VRK3: variants seen among roughly 807,000 people sequenced by gnomAD.
VRK3 encodes serine/threonine-protein kinase VRK3.
In VRK3, 50 loss-of-function variants were observed where a neutral mutation model predicts 60.4. The ratio of observed to expected loss-of-function variants is 0.83; its 90% CI spans 0.66 to 1.05. The LOEUF is 1.05. VRK3 is among the 50% of genes least tolerant of loss of function. The pLI is 0.00. For missense variants in VRK3, 549 were observed against 585.3 expected (o/e 0.94, Z 0.64); for synonymous variants, 246 against 227.8 (o/e 1.08, Z -0.72).
chr19:50,019,402 G>A (rs1315252588), intron 2 of VRK3: 1 of 149,836 alleles, frequency 6.7e-6, no homozygotes, highest in Non-Finnish European at 1.5e-5. Flanking sequence ...ACTGTATAGA[G>A]GCTGGTGCCT....
chr19:49,977,082 G>A (rs2076343032), intron 14 of VRK3, among the ~76,000 whole-genome samples: 1 of 152,148 alleles, frequency 6.6e-6, no homozygotes, highest in Non-Finnish European at 1.5e-5. Flanking sequence ...TGGAGGATGG[G>A]GAAGGCCTCG....
At chr19:49,981,769 C>T (rs2076426259) in intron 12 of VRK3, 5 of 1,032,922 alleles carry the variant, frequency 4.8e-6, no homozygotes, top group Non-Finnish European at 5.8e-6. Flanking sequence ...GGTGACCTCC[C>T]CACCCGTCCC....
intron 9 of VRK3, among the ~76,000 whole-genome samples, chr19:49,994,152 G>A (rs1031844354): frequency 6.6e-6 from 1 of 152,120 alleles, no homozygotes. Flanking sequence ...CCCTTGGTAC[G>A]TCCATCCCTC....
At chr19:50,018,847 C>T (rs1156880948) in intron 2 of VRK3, among the ~76,000 whole-genome samples, 2 of 152,058 alleles carry the variant, frequency 1.3e-5, no homozygotes, top group African/African-American at 4.8e-5. Flanking sequence ...ATATATACAC[C>T]TACTATGTAC....
Position 49,989,494 on chromosome 19 carries a change from C to T in VRK3, c.1096+145G>A, listed in dbSNP as rs10418911. 13,393 of 1,152,378 alleles carry T rather than the reference C, an allele frequency of 0.012. 1,168 individuals carry two copies. The African/African-American group carries it at 0.19, about 16-fold the overall frequency. The allele number at this position is 1,152,378 out of a possible 1,614,324, so 71.4% of individuals were successfully genotyped here. A position where few individuals can be genotyped will look rare whatever the true frequency, so the allele number is the denominator to read the frequency against. On this transcript the variant is annotated intron_variant, in intron 11 of 14. Transcript: ENST00000316763. ...CCACCCACCTCCCTTGCGGTCGGGA[C>T]GCTGTCTGTGGTTCCAATCCCTGTC...
intron 14 of VRK3, among the ~76,000 whole-genome samples, chr19:49,977,578 GAC>G (rs2076351701): frequency 6.6e-6 from 1 of 152,142 alleles, no homozygotes; most frequent in African/African-American, 2.4e-5. Context: ...AAGCAGAGAT[GAC>G]AGAGTCAGAC....
intron 3 of VRK3, among the ~76,000 whole-genome samples, chr19:50,014,191 C>T (rs1275133830): frequency 1.3e-5 from 2 of 152,088 alleles, no homozygotes; most frequent in African/African-American, 2.4e-5. Flanking sequence ...CACTTGAACT[C>T]GGGAGGCGGA....
At chr19:50,020,696 A>G (rs902906102) in intron 1 of VRK3, 49 bp from the exon 2 acceptor site, 1 of 152,270 alleles carries the variant, frequency 6.6e-6, no homozygotes, top group Non-Finnish European at 1.5e-5. Context: ...TCACATAGAA[A>G]TGAAAGATAA....
intron 2 of VRK3, 69 bp from the exon 3 acceptor site, chr19:50,016,232 C>T (rs567842433): frequency 8.0e-5 from 127 of 1,593,284 alleles, no homozygotes; most frequent in Non-Finnish European, 1.0e-4. Context: ...TATTGTTGAA[C>T]TGCTCTTAAT....
chr19:49,982,590 T>G (rs1027578471), intron 12 of VRK3, among the ~76,000 whole-genome samples: 6 of 152,238 alleles, frequency 3.9e-5, no homozygotes, highest in African/African-American at 1.4e-4. Context: ...CACCCTAGGC[T>G]GGGAACATGT....
chr19:50,010,042 A>C (rs2076967433), intron 3 of VRK3, among the ~76,000 whole-genome samples: 1 of 146,908 alleles, frequency 6.8e-6, no homozygotes, highest in Admixed American at 6.8e-5. Context: ...GATTACAATA[A>C]TTATTTTATA....
intron 5 of VRK3, among the ~76,000 whole-genome samples, chr19:50,002,002 G>C (rs561526317): frequency 1.4e-3 from 208 of 152,278 alleles, no homozygotes; most frequent in African/African-American, 3.8e-3. Context: ...GGCACATCAG[G>C]ATTGCTCCAC....
chr19:50,004,303 GCT>G (rs1404261494), intron 5 of VRK3, among the ~76,000 whole-genome samples: 2 of 150,998 alleles, frequency 1.3e-5, no homozygotes, highest in African/African-American at 4.9e-5. Context: ...TCCCCACCCT[GCT>G]CTCTCACCTC....
intron 11 of VRK3, 35 bp from the exon 12 acceptor site, chr19:49,988,527 C>G: frequency 6.2e-7 from 1 of 1,604,844 alleles, no homozygotes; most frequent in Non-Finnish European, 8.5e-7. Context: ...CAGCTCAAGT[C>G]TGGACGCTCC....
chr19:49,999,574 C>A (rs2076764392), intron 6 of VRK3: 1 of 152,324 alleles, frequency 6.6e-6, no homozygotes, highest in African/African-American at 2.4e-5. Context: ...CAGAACAGAG[C>A]TGCCTTCCCA....
At chr19:49,978,058 C>A (rs1397298368) in intron 14 of VRK3, among the ~76,000 whole-genome samples, 1 of 151,968 alleles carries the variant, frequency 6.6e-6, no homozygotes, top group East Asian at 2.0e-4. Flanking sequence ...AGATGCTGTT[C>A]AAGATGCCCT....
intron 1 of VRK3, among the ~76,000 whole-genome samples, chr19:50,023,055 C>A (rs1033056045): frequency 6.6e-6 from 1 of 152,224 alleles, no homozygotes; most frequent in African/African-American, 2.4e-5. Flanking sequence ...ACCTTTGCAC[C>A]TGCTCTCCCA....
intron 3 of VRK3, among the ~76,000 whole-genome samples, chr19:50,011,947 G>A (rs2122519565): frequency 6.6e-6 from 1 of 150,778 alleles, no homozygotes; most frequent in South Asian, 2.1e-4. Flanking sequence ...TGGAACACAT[G>A]TGCCAACTCC....
In VRK3 at chr19:49,989,641, C is replaced by T; in HGVS notation, c.1094G>A (p.Cys365Tyr). Residue 365 changes from cysteine to tyrosine, a missense_variant and splice_region_variant, in exon 11 of 15, where the codon TGC becomes TAC. By Grantham distance (194) the Cys-to-Tyr change is radical. Transcript: ENST00000316763. Reference protein sequence around the residue: ...EFISMDLHKGCGPSRRSDLQS... With the variant: ...EFISMDLHKGYGPSRRSDLQS... ...CAAACCCATCCCTGGCCTCGTACCG[C>T]ATCCCTTGTGCAGGTCCATGCTAAT... 1 of 1,607,646 alleles carries T rather than the reference C, an allele frequency of 6.2e-7. No homozygotes were observed.
Sources: allele counts gnomAD v4.1 joint callset (sites outside exome capture counted in the v4.1 genomes callset), GRCh38; gene constraint gnomAD v4.1.1; transcripts MANE v1.5; gene names NCBI Gene and HGNC (gene_info 2026-07-23, HGNC 2026-07-21).